The following CYSLTR1 variants were observed in gnomAD, a reference collection of about 807,000 sequenced individuals.
CYSLTR1 encodes cysteinyl leukotriene receptor 1.
Under a neutral mutation model 2.1 loss-of-function variants are expected in CYSLTR1, and 1 was observed. That is an observed-to-expected ratio of 0.48 (90% CI 0.17 to 2.28). The LOEUF (loss-of-function observed/expected upper bound fraction) is 2.28, where lower values mean the gene tolerates loss of function less well. CYSLTR1 is among the 30% of genes most tolerant of loss of function. The pLI, the probability that CYSLTR1 is intolerant of heterozygous loss-of-function variation, is 0.26. For synonymous variants in CYSLTR1, 110 were observed against 89.6 expected (o/e 1.23, Z -1.28); for missense variants, 299 against 250.1 (o/e 1.20, Z -1.32).
intron 1 of CYSLTR1, among the ~76,000 whole-genome samples, chrX:78,322,755 C>T (rs1274734640): frequency 8.9e-6 from 1 of 111,819 alleles, no homozygotes; most frequent in Admixed American, 9.5e-5. Context: ...TATGTATTCT[C>T]ATTGGTATTA....
chrX:78,276,893 A>T (rs186448316), intron 2 of CYSLTR1, among the ~76,000 whole-genome samples: 1 of 110,594 alleles, frequency 9.0e-6, no homozygotes, highest in East Asian at 2.9e-4. Context: ...AAGTACTAAG[A>T]CTCATTCCTG....
intron 1 of CYSLTR1, among the ~76,000 whole-genome samples, chrX:78,324,629 G>A (rs1923801914): frequency 8.9e-6 from 1 of 111,966 alleles, no homozygotes; most frequent in South Asian, 3.7e-4. Context: ...GCCTCCCAAA[G>A]TGCTGGGATT....
chrX:78,310,460 C>T (rs1923175049), intron 1 of CYSLTR1, among the ~76,000 whole-genome samples: 1 of 111,995 alleles, frequency 8.9e-6, no homozygotes, highest in Non-Finnish European at 1.9e-5. Context: ...CTCTGTATTG[C>T]TTTGAAATAC....
At chrX:78,280,827 C>A (rs1921809920) in intron 2 of CYSLTR1, among the ~76,000 whole-genome samples, 1 of 111,564 alleles carries the variant, frequency 9.0e-6, no homozygotes, top group South Asian at 3.8e-4. Context: ...TAAGTGAGAA[C>A]ATGTGGTATT....
rs183451839 is a variant in CYSLTR1, at chrX:78,303,249, C to T, written c.-114-19709G>A. 1.7e-3 allele frequency among the ~76,000 whole-genome samples: 193 copies of T among 111,419 alleles called. 1 individual carries two copies. The highest frequency in any genetic ancestry group is 5.4e-3 in the African/African-American group (166 of 30,665). On this transcript the variant is annotated intron_variant, in intron 1 of 2. Coordinates refer to ENST00000373304, the MANE Select transcript of CYSLTR1 (RefSeq NM_006639.4). ...TCACAATTGCTGCTCTCTCTCTTCC[C>T]GAGCACAAAGAAATACTCTCTGCAC...
chrX:78,286,688 T>C (rs868291523), intron 1 of CYSLTR1, among the ~76,000 whole-genome samples: 4 of 93,751 alleles, frequency 4.3e-5, no homozygotes, highest in African/African-American at 1.2e-4. Context: ...CCCCTTCCTG[T>C]GTCCATATGT....
At chrX:78,283,261 A>G (rs1465523327) in intron 2 of CYSLTR1, among the ~76,000 whole-genome samples, 193 bp downstream of exon 2, 1 of 112,267 alleles carries the variant, frequency 8.9e-6, no homozygotes, top group African/African-American at 3.2e-5. Context: ...TAGGAATGAT[A>G]GCCTAGAAGT....
At chrX:78,303,340 C>T (rs995422419) in intron 1 of CYSLTR1, among the ~76,000 whole-genome samples, 3 of 111,251 alleles carry the variant, frequency 2.7e-5, no homozygotes, top group Non-Finnish European at 5.7e-5. Context: ...TTTTCTACCT[C>T]TTCAGTGCCT....
intron 2 of CYSLTR1, among the ~76,000 whole-genome samples, chrX:78,277,053 T>C (rs768884366): frequency 9.0e-6 from 1 of 111,456 alleles, no homozygotes. Context: ...CTCAGAGAGT[T>C]GGCAGAGACA....
At chrX:78,294,924 C>T (rs947195584) in intron 1 of CYSLTR1, among the ~76,000 whole-genome samples, 3 of 112,608 alleles carry the variant, frequency 2.7e-5, no homozygotes, top group African/African-American at 9.7e-5. Flanking sequence ...ATCCCATGAC[C>T]CCTTGCACTT....
At chrX:78,302,916 C>T (rs1922877974) in intron 1 of CYSLTR1, among the ~76,000 whole-genome samples, 1 of 111,238 alleles carries the variant, frequency 9.0e-6, no homozygotes, top group Non-Finnish European at 1.9e-5. Flanking sequence ...TCTTAGCCAC[C>T]CCAGCTGTTG....
At chrX:78,320,107 A>T (rs1006556311) in intron 1 of CYSLTR1, 1 of 111,826 alleles carries the variant, frequency 8.9e-6, no homozygotes, top group Non-Finnish European at 1.9e-5. Flanking sequence ...GAAGCTCTTT[A>T]GTTTAATTAG....
At chrX:78,310,146 C>T (rs1923164221) in intron 1 of CYSLTR1, among the ~76,000 whole-genome samples, 1 of 111,793 alleles carries the variant, frequency 8.9e-6, no homozygotes, top group African/African-American at 3.2e-5. Flanking sequence ...TCCTTTCCCT[C>T]TCAGAGGTCT....
At chrX:78,320,385 G>GT (rs1449804891) in intron 1 of CYSLTR1, 2 of 111,524 alleles carry the variant, frequency 1.8e-5, no homozygotes, top group Admixed American at 1.9e-4. Context: ...CCCATTGCTT[G>GT]TTTTTTGTCA....
At chrX:78,277,630 G>T (rs1170215546) in intron 2 of CYSLTR1, among the ~76,000 whole-genome samples, 2 of 111,344 alleles carry the variant, frequency 1.8e-5, no homozygotes, top group African/African-American at 6.5e-5. Flanking sequence ...GCCCACCAAG[G>T]TTAAAACACA....
chrX:78,323,734 C>G (rs1321303139), intron 1 of CYSLTR1, among the ~76,000 whole-genome samples: 1 of 111,460 alleles, frequency 9.0e-6, no homozygotes, highest in Non-Finnish European at 1.9e-5. Flanking sequence ...AAAGAATGCC[C>G]AAATGTCTCC....
intron 1 of CYSLTR1, among the ~76,000 whole-genome samples, chrX:78,288,671 G>A (rs1922177341): frequency 1.8e-5 from 2 of 109,788 alleles, no homozygotes; most frequent in Non-Finnish European, 3.8e-5. Flanking sequence ...TGAAGAATGG[G>A]GTATCTTTCT....
intron 1 of CYSLTR1, among the ~76,000 whole-genome samples, chrX:78,294,611 C>A (rs764506631): frequency 8.9e-6 from 1 of 112,884 alleles, no homozygotes; most frequent in South Asian, 3.6e-4. Context: ...GGCAGTAGGC[C>A]TTGCTGAGCT....
At chrX:78,317,226 T>A (rs187354985) in intron 1 of CYSLTR1, among the ~76,000 whole-genome samples, 1 of 112,146 alleles carries the variant, frequency 8.9e-6, no homozygotes, top group African/African-American at 3.2e-5. Context: ...AACAAACATA[T>A]GACAAAATAC....
Sources: gnomAD v4.1 joint callset for allele counts (sites outside exome capture counted in the v4.1 genomes callset) on GRCh38, gnomAD v4.1.1 for gene constraint, MANE v1.5 for transcripts, NCBI Gene and HGNC (gene_info 2026-07-23, HGNC 2026-07-21) for gene names.